Variants in ABHD18 observed in about 807,000 individuals in gnomAD.
ABHD18 encodes cardiolipin-specific deacylase, mitochondrial.
ABHD18 carries 55 observed loss-of-function variants against 65.9 expected under a neutral mutation model. The observed-to-expected ratio is 0.84, with a 90% CI of 0.67 to 1.05. The LOEUF is 1.05. Among genes scored for constraint, ABHD18 ranks in the 50% least tolerant of loss-of-function variants. The pLI, the probability that ABHD18 is intolerant of heterozygous loss-of-function variation, is 0.00. For synonymous variants in ABHD18, 181 were observed against 180.2 expected (o/e 1.00, Z -0.04); for missense variants, 533 against 558.5 (o/e 0.95, Z 0.46).
At position 128,038,768 on chromosome 4, in the gene ABHD18, G is replaced by C. The variant is rs988650348; in HGVS notation, c.*2955G>C. ...TTTAAAAAAAATACAAAATTAGCCA[G>C]GCGTGGTGGCACATGCCTGTAATCC... On this transcript the variant is annotated 3_prime_UTR_variant, in exon 13 of 13. Transcript: ENST00000645843. 1 of 152,086 alleles carries C rather than the reference G, an allele frequency of 6.6e-6. No homozygotes were observed. The highest frequency in any genetic ancestry group is 2.4e-5 in the African/African-American group (1 of 41,408). 9.4% of individuals were successfully genotyped at this position (152,086 alleles called of 1,614,324 possible). A position where few individuals can be genotyped will look rare whatever the true frequency, so the allele number is the denominator to read the frequency against.
In ABHD18 at chr4:127,969,849, C is replaced by CA. The variant is rs1746383278; in HGVS notation, c.-18+4245dup. Reference sequence around the variant, plus strand: ...GTTGCCTCAACTTCCCAGGCTTACACAATCTTCCCTCCACAGCCTACTGAG... The same window carrying CA: ...GTTGCCTCAACTTCCCAGGCTTACACAAATCTTCCCTCCACAGCCTACTGAG... On this transcript the variant is annotated intron_variant, in intron 1 of 12. Coordinates refer to ENST00000645843, the MANE Select transcript of ABHD18 (RefSeq NM_001358451.3). 3.3e-5 allele frequency among the ~76,000 whole-genome samples: 5 copies of CA among 151,802 alleles called. No homozygotes were observed. The South Asian group carries it at 1.0e-3, about 32-fold the overall frequency.
chr4:127,982,755 G>A (rs1439383178), intron 1 of ABHD18, among the ~76,000 whole-genome samples, 184 bp from the exon 2 acceptor site: 1 of 152,100 alleles, frequency 6.6e-6, no homozygotes, highest in Non-Finnish European at 1.5e-5. Flanking sequence ...GTTCAAAGGT[G>A]TACATCTTCT....
chr4:128,002,005 T>G (rs1266702028), intron 4 of ABHD18, among the ~76,000 whole-genome samples: 3 of 152,164 alleles, frequency 2.0e-5, no homozygotes, highest in Non-Finnish European at 4.4e-5. Context: ...CCAGGCATGG[T>G]GGCTCACGCC....
At chr4:128,016,165 G>T (rs1007443664) in intron 7 of ABHD18, among the ~76,000 whole-genome samples, 1 of 151,754 alleles carries the variant, frequency 6.6e-6, no homozygotes, top group Non-Finnish European at 1.5e-5. Flanking sequence ...TATTGGTCAG[G>T]CTGGTCTCTA....
chr4:128,023,271 A>G (rs1447494901), intron 10 of ABHD18, among the ~76,000 whole-genome samples: 1 of 151,926 alleles, frequency 6.6e-6, no homozygotes, highest in Non-Finnish European at 1.5e-5. Context: ...TTATTACAAA[A>G]TAGCTTTATC....
chr4:127,998,729 A>G (rs1752186609), intron 4 of ABHD18, among the ~76,000 whole-genome samples: 1 of 152,158 alleles, frequency 6.6e-6, no homozygotes, highest in South Asian at 2.1e-4. Context: ...AAATGCCATT[A>G]TTAAATGTAG....
At chr4:128,005,835 T>G (rs1362916362) in intron 4 of ABHD18, among the ~76,000 whole-genome samples, 1 of 152,194 alleles carries the variant, frequency 6.6e-6, no homozygotes, top group African/African-American at 2.4e-5. Flanking sequence ...TATCTCATCT[T>G]CTTCCCTGTT....
intron 12 of ABHD18, among the ~76,000 whole-genome samples, chr4:128,032,513 C>T (rs1758353022): frequency 6.6e-6 from 1 of 152,036 alleles, no homozygotes; most frequent in East Asian, 1.9e-4. Flanking sequence ...GGTAAAACCC[C>T]GTCTCTACTA....
intron 8 of ABHD18, among the ~76,000 whole-genome samples, chr4:128,019,865 T>C (rs141521955): frequency 2.3e-3 from 350 of 152,332 alleles, no homozygotes; most frequent in African/African-American, 7.9e-3. Context: ...GGTTAAAGTT[T>C]TGTATTACAT....
intron 10 of ABHD18, among the ~76,000 whole-genome samples, chr4:128,023,585 TAA>T (rs751357932): frequency 1.5e-4 from 20 of 134,694 alleles, no homozygotes; most frequent in Non-Finnish European, 1.6e-4. Context: ...CCATTTCTCT[TAA>T]AAAAAAAAAA....
At chr4:127,996,852 C>G (rs867116381) in intron 4 of ABHD18, among the ~76,000 whole-genome samples, 21 of 152,298 alleles carry the variant, frequency 1.4e-4, no homozygotes, top group Middle Eastern at 6.8e-3. Context: ...AAATATGGCT[C>G]TATTCTGCCC....
intron 1 of ABHD18, among the ~76,000 whole-genome samples, chr4:127,972,067 A>G (rs1746932174): frequency 6.6e-6 from 1 of 152,158 alleles, no homozygotes; most frequent in Non-Finnish European, 1.5e-5. Context: ...AACTCAGGAA[A>G]CAGCTAAATT....
At position 128,020,131 on chromosome 4, in the gene ABHD18, T is replaced by C. The variant is rs1756234063; in HGVS notation, c.661T>C (p.Cys221Arg). 9 of 1,613,740 alleles carry C rather than the reference T, an allele frequency of 5.6e-6. No individual in the cohort carries two copies. The highest frequency in any genetic ancestry group is 7.6e-6 in the Non-Finnish European group (9 of 1,179,752). Residue 221 changes from cysteine to arginine, a missense_variant, in exon 9 of 13, where the codon TGC becomes CGC. Physicochemically the swap from Cys to Arg is radical, Grantham distance 180 (BLOSUM62 -3). This residue lies in a region of ABHD18 where 309 missense variants were observed against 313.5 expected (regional missense o/e 0.99). Transcript: ENST00000645843. ...GCCTAAGCCCATGCCATTGATTCCA[T>C]GCCTGTCTTGGTCCACAGCATCTGG... ...NWPKPMPLIP[C>R]LSWSTASGVF...
chr4:128,036,546 T>C lies in ABHD18; in HGVS notation c.*733T>C, dbSNP rs950454729. 5.9e-5 allele frequency: 9 copies of C among 151,460 alleles called. No individual in the cohort carries two copies. Among genetic ancestry groups the C allele is most frequent in the Admixed American group, 1.3e-4 (2 of 15,194 alleles). The allele number at this position is 151,460 out of a possible 1,614,324, so 9.4% of individuals were successfully genotyped here. ...GGGAGTTCAAGACCAGCCTGACCAATATAGAGAAACCCCCTCTCTACTACA... is the reference window on the plus strand; with the variant it reads ...GGGAGTTCAAGACCAGCCTGACCAACATAGAGAAACCCCCTCTCTACTACA... On this transcript the variant is annotated 3_prime_UTR_variant, in exon 13 of 13. Transcript: ENST00000645843.
chr4:128,022,341 G>C (rs911370527), intron 10 of ABHD18, among the ~76,000 whole-genome samples: 3 of 152,074 alleles, frequency 2.0e-5, no homozygotes, highest in Non-Finnish European at 4.4e-5. Context: ...TGACCTGTAG[G>C]GTTTCTCACA....
intron 3 of ABHD18, among the ~76,000 whole-genome samples, chr4:127,986,085 C>G (rs1242960750): frequency 1.3e-5 from 2 of 152,104 alleles, no homozygotes; most frequent in Admixed American, 6.6e-5. Flanking sequence ...ATTATATTAC[C>G]AAGATGTGCA....
chr4:128,011,355 A>G (rs992217947), intron 6 of ABHD18, among the ~76,000 whole-genome samples: 7 of 152,082 alleles, frequency 4.6e-5, no homozygotes, highest in Admixed American at 6.6e-5. Context: ...TCACCATGTT[A>G]GCCAGGATGG....
intron 4 of ABHD18, among the ~76,000 whole-genome samples, chr4:127,998,205 CT>C (rs1300793792): frequency 6.6e-6 from 1 of 150,680 alleles, no homozygotes; most frequent in Non-Finnish European, 1.5e-5. Context: ...CTTTATCTCA[CT>C]TCCTCTTTTC....
rs567803275 is a variant in ABHD18 at position 128,004,212 on chromosome 4, G to T, written c.279-4708G>T. ...CATGCCTGTAACCCCAGCACTTTGG[G>T]AAGCTGAGGCAGGCGGATCACCTGA... On this transcript the variant is annotated intron_variant, in intron 4 of 12. Coordinates refer to ENST00000645843, the MANE Select transcript of ABHD18 (RefSeq NM_001358451.3). Among the ~76,000 whole-genome samples, 254 of 152,162 alleles carry T rather than the reference G, an allele frequency of 1.7e-3. 1 individual carries two copies. Among genetic ancestry groups the T allele is most frequent in the Non-Finnish European group, 2.9e-3 (198 of 68,008 alleles).
Sources: gnomAD v4.1 joint callset for allele counts (sites outside exome capture counted in the v4.1 genomes callset) on GRCh38, gnomAD v4.1.1 for gene constraint, gnomAD v4.1.1 regional missense constraint, MANE v1.5 for transcripts, NCBI Gene and HGNC (gene_info 2026-07-23, HGNC 2026-07-21) for gene names.